OSBPL10: variants seen among roughly 807,000 people sequenced by gnomAD.
OSBPL10 encodes oxysterol binding protein like 10, also known as oxysterol-binding protein-related protein 10.
A neutral mutation model predicts 81.7 loss-of-function variants in OSBPL10; 49 were observed. The ratio of observed to expected loss-of-function variants is 0.60; its 90% CI spans 0.48 to 0.76. The LOEUF (loss-of-function observed/expected upper bound fraction) is 0.76. Among genes scored for constraint, OSBPL10 ranks in the 30% least tolerant of loss-of-function variants. The pLI, the probability that OSBPL10 is intolerant of heterozygous loss-of-function variation, is 0.00. For synonymous variants in OSBPL10, 419 were observed against 383.6 expected (o/e 1.09, Z -1.08); for missense variants, 923 against 987.8 (o/e 0.93, Z 0.88).
At chr3:31,892,049 T>G (rs987875095) in intron 1 of OSBPL10, among the ~76,000 whole-genome samples, 1 of 151,958 alleles carries the variant, frequency 6.6e-6, no homozygotes, top group Non-Finnish European at 1.5e-5. Flanking sequence ...ACTCTGGCTG[T>G]GATTGTGTGT....
intron 2 of OSBPL10, chr3:32,037,376 G>A (rs530301354): frequency 3.9e-5 from 6 of 154,982 alleles, no homozygotes; most frequent in African/African-American, 1.4e-4. Flanking sequence ...AGGGCCAGGT[G>A]TGGTGGCTCA....
intron 2 of OSBPL10, chr3:31,989,242 G>C: frequency 1.2e-6 from 2 of 1,614,160 alleles, no homozygotes; most frequent in South Asian, 2.2e-5. Context: ...CATGATGTTG[G>C]AGAACTACAG....
rs193300971 is a variant in OSBPL10, at chr3:31,956,978, C to G, written c.281+23921G>C. ...TGAAACCCCATCTCTATAAAAAATA[C>G]AAAAAAGTTATCTGGATGTGGTGGT... On this transcript the variant is annotated intron_variant, in intron 1 of 11. Transcript: ENST00000396556. Among the ~76,000 whole-genome samples, 2 of 151,342 alleles carry G rather than the reference C, an allele frequency of 1.3e-5. 1 individual carries two copies. Among genetic ancestry groups the G allele is most frequent in the Admixed American group, 1.3e-4 (2 of 15,174 alleles).
At chr3:31,962,984 A>C (rs1486488704) in intron 1 of OSBPL10, among the ~76,000 whole-genome samples, 1 of 152,192 alleles carries the variant, frequency 6.6e-6, no homozygotes, top group African/African-American at 2.4e-5. Context: ...ATAATATTAC[A>C]GGAAGTGGTG....
chr3:32,058,311 A>G (rs942143478), intron 1 of OSBPL10, among the ~76,000 whole-genome samples: 53 of 152,076 alleles, frequency 3.5e-4, no homozygotes, highest in Admixed American at 3.4e-3. Flanking sequence ...GTTTCTCTGT[A>G]CTATTCTTTG....
At position 31,747,896 on chromosome 3, in the gene OSBPL10, C is replaced by T. The variant is rs1283551122; in HGVS notation, c.940+14G>A. On this transcript the variant is annotated intron_variant, in intron 5 of 11. Transcript: ENST00000396556. ...TACTCATCCCAAACATGGACAAGCCCCCGGGGGTCTTACCCGAGGCTCCTG... is the reference window on the plus strand; with the variant it reads ...TACTCATCCCAAACATGGACAAGCCTCCGGGGGTCTTACCCGAGGCTCCTG... The T allele has an allele frequency of 2.7e-5, 44 of 1,612,362 alleles. No homozygotes were observed. Among genetic ancestry groups the T allele is most frequent in the Non-Finnish European group, 3.1e-5 (37 of 1,179,796 alleles).
intron 7 of OSBPL10, among the ~76,000 whole-genome samples, chr3:31,690,087 T>C (rs944902977): frequency 4.0e-5 from 6 of 151,896 alleles, no homozygotes; most frequent in Non-Finnish European, 7.4e-5. Context: ...ATATGGGAGT[T>C]GATATGGTTT....
chr3:31,735,163 G>A (rs1341205926), intron 5 of OSBPL10, among the ~76,000 whole-genome samples: 5 of 152,208 alleles, frequency 3.3e-5, no homozygotes, highest in Admixed American at 6.5e-5. Flanking sequence ...GGCCAGACAC[G>A]GTGGCTCCCA....
At chr3:31,855,746 C>T (rs1700894279) in intron 3 of OSBPL10, among the ~76,000 whole-genome samples, 1 of 152,120 alleles carries the variant, frequency 6.6e-6, no homozygotes, top group African/African-American at 2.4e-5. Flanking sequence ...AAAACAGGGA[C>T]CAGACACCCC....
intron 6 of OSBPL10, among the ~76,000 whole-genome samples, chr3:31,725,278 A>T (rs7629930): frequency 1.3e-5 from 2 of 152,194 alleles, no homozygotes; most frequent in African/African-American, 4.8e-5. Context: ...TTGAGGGAGC[A>T]GTATATTTTT....
intron 3 of OSBPL10, among the ~76,000 whole-genome samples, chr3:31,839,114 C>T (rs1378789059): frequency 6.6e-6 from 1 of 152,144 alleles, no homozygotes; most frequent in African/African-American, 2.4e-5. Flanking sequence ...AATAAATCCC[C>T]CCAACCTCAA....
intron 1 of OSBPL10, among the ~76,000 whole-genome samples, chr3:31,969,165 G>A (rs965003286): frequency 1.3e-5 from 2 of 152,148 alleles, no homozygotes; most frequent in Non-Finnish European, 2.9e-5. Context: ...TTCCGCAAAC[G>A]CATGATCCTA....
chr3:31,872,074 G>A (rs964045160), intron 3 of OSBPL10, among the ~76,000 whole-genome samples: 6 of 152,168 alleles, frequency 3.9e-5, no homozygotes, highest in Non-Finnish European at 5.9e-5. Context: ...TTCAGGGGAA[G>A]TCTGTGTTCT....
At chr3:31,990,147 CCT>C (rs1699004568) in intron 2 of OSBPL10, 2 of 1,611,616 alleles carry the variant, frequency 1.2e-6, no homozygotes, top group Non-Finnish European at 1.7e-6. Context: ...GTGATTCACA[CCT>C]CACACAACAC....
chr3:31,768,107 C>CGA (rs1327317468), intron 4 of OSBPL10, among the ~76,000 whole-genome samples: 2 of 152,142 alleles, frequency 1.3e-5, no homozygotes, highest in African/African-American at 4.8e-5. Flanking sequence ...GAGGGTTCCT[C>CGA]CTCCTTTTAG....
At chr3:31,687,962 G>A (rs945606066) in intron 7 of OSBPL10, among the ~76,000 whole-genome samples, 14 of 150,836 alleles carry the variant, frequency 9.3e-5, no homozygotes, top group Non-Finnish European at 2.1e-4. Context: ...GATCAAATGG[G>A]CAAGAGAATG....
intron 8 of OSBPL10, among the ~76,000 whole-genome samples, chr3:31,672,536 A>G (rs1700352073): frequency 6.6e-6 from 1 of 151,998 alleles, no homozygotes; most frequent in Non-Finnish European, 1.5e-5. Flanking sequence ...TGTACAAAGG[A>G]GTCATGGTTG....
At chr3:31,851,189 A>G (rs917880541) in intron 3 of OSBPL10, among the ~76,000 whole-genome samples, 4 of 152,248 alleles carry the variant, frequency 2.6e-5, no homozygotes, top group African/African-American at 9.6e-5. Context: ...AAGTTTAACC[A>G]GTCTGTACTA....
chr3:31,934,823 A>G (rs546347875), intron 1 of OSBPL10, among the ~76,000 whole-genome samples: 1 of 152,296 alleles, frequency 6.6e-6, no homozygotes, highest in East Asian at 1.9e-4. Context: ...CTTACTATAT[A>G]TCACCCTGGT....
Sources: gnomAD v4.1 joint callset for allele counts (sites outside exome capture counted in the v4.1 genomes callset) on GRCh38, gnomAD v4.1.1 for gene constraint, MANE v1.5 for transcripts, NCBI Gene and HGNC (gene_info 2026-07-23, HGNC 2026-07-21) for gene names.